The following BNC2 variants were observed in gnomAD, a reference collection of about 807,000 sequenced individuals.
BNC2 encodes basonuclin zinc finger protein 2, also known as zinc finger protein basonuclin-2.
Under a neutral mutation model 76.3 loss-of-function variants are expected in BNC2, and 20 were observed. The observed-to-expected ratio is 0.26, with a 90% CI of 0.18 to 0.38. The LOEUF (loss-of-function observed/expected upper bound fraction) is 0.38, where lower values mean the gene tolerates loss of function less well. Ranked by LOEUF, BNC2 falls within the 10% of genes least tolerant of loss-of-function variation. The pLI is 1.00. For missense variants in BNC2, 1,382 were observed against 1,399.8 expected, an observed-to-expected ratio of 0.99 and a Z score of 0.20; for synonymous variants, 582 against 514.8, an observed-to-expected ratio of 1.13 and a Z score of -1.77.
chr9:16,583,498 T>G (rs1202008452), intron 3 of BNC2, among the ~76,000 whole-genome samples: 1 of 152,194 alleles, frequency 6.6e-6, no homozygotes, highest in Admixed American at 6.5e-5. Context: ...GTGAAATGTT[T>G]GTGAAAGTAA....
intron 3 of BNC2, among the ~76,000 whole-genome samples, chr9:16,723,564 C>A (rs147430428): frequency 2.3e-4 from 35 of 151,652 alleles, no homozygotes; most frequent in African/African-American, 7.7e-4. Context: ...GATTGTTGGC[C>A]TATATGAATA....
chr9:16,744,442 A>G (rs4961750), intron 1 of BNC2, among the ~76,000 whole-genome samples: 138,287 of 152,238 alleles, frequency 0.91, 62,835 homozygotes, highest in Non-Finnish European at 0.92. Context: ...TTCTTGTATT[A>G]CTTTTGCTAC....
chr9:16,636,273 G>A (rs1419246029), intron 3 of BNC2, among the ~76,000 whole-genome samples: 4 of 152,030 alleles, frequency 2.6e-5, no homozygotes, highest in Non-Finnish European at 5.9e-5. Context: ...CATAGTTCAT[G>A]GTTCTAGAAG....
chr9:16,790,415 T>C (rs1817472217), intron 1 of BNC2, among the ~76,000 whole-genome samples: 4 of 152,232 alleles, frequency 2.6e-5, no homozygotes, highest in Admixed American at 2.6e-4. Flanking sequence ...GAAAAGTATA[T>C]TTATTTAGTA....
chr9:16,758,120 C>T (rs979815832), intron 1 of BNC2, among the ~76,000 whole-genome samples: 3 of 152,156 alleles, frequency 2.0e-5, no homozygotes, highest in Non-Finnish European at 4.4e-5. Flanking sequence ...CTTCTATCCG[C>T]CACCAGCATT....
intron 5 of BNC2, among the ~76,000 whole-genome samples, chr9:16,464,320 G>A (rs980124121): frequency 3.9e-5 from 6 of 152,078 alleles, no homozygotes; most frequent in African/African-American, 1.4e-4. Context: ...CAAGAGTACA[G>A]TGTCTTTGCC....
At chr9:16,633,306 T>C (rs1821220909) in intron 3 of BNC2, among the ~76,000 whole-genome samples, 1 of 152,150 alleles carries the variant, frequency 6.6e-6, no homozygotes. Flanking sequence ...AGTGCACAAA[T>C]GAACAAGGCC....
intron 6 of BNC2, among the ~76,000 whole-genome samples, chr9:16,428,742 T>A (rs1333516893): frequency 6.6e-6 from 1 of 152,132 alleles, no homozygotes; most frequent in Admixed American, 6.5e-5. Context: ...TGGGTAACAT[T>A]TTTCCCCCTA....
At chr9:16,454,374 C>T (rs906989124) in intron 5 of BNC2, among the ~76,000 whole-genome samples, 10 of 152,120 alleles carry the variant, frequency 6.6e-5, no homozygotes, top group Non-Finnish European at 1.3e-4. Flanking sequence ...GTGATCATAG[C>T]TCACTTCAGC....
At chr9:16,518,652 G>T (rs1234527054) in intron 5 of BNC2, among the ~76,000 whole-genome samples, 1 of 152,026 alleles carries the variant, frequency 6.6e-6, no homozygotes, top group African/African-American at 2.4e-5. Flanking sequence ...TCTTGCTGGA[G>T]TGCAGTAGCA....
intron 4 of BNC2, among the ~76,000 whole-genome samples, chr9:16,559,333 C>A (rs772930055): frequency 6.6e-6 from 1 of 152,124 alleles, no homozygotes; most frequent in Non-Finnish European, 1.5e-5. Context: ...TTATGTGTGG[C>A]CCAAGCCAAT....
At chr9:16,660,034 T>C (rs1197280950) in intron 3 of BNC2, among the ~76,000 whole-genome samples, 1 of 152,234 alleles carries the variant, frequency 6.6e-6, no homozygotes, top group African/African-American at 2.4e-5. Flanking sequence ...TTTACAAATC[T>C]AACATCTCAC....
intron 5 of BNC2, among the ~76,000 whole-genome samples, chr9:16,482,945 T>C (rs1393627062): frequency 1.3e-5 from 2 of 152,186 alleles, no homozygotes; most frequent in African/African-American, 2.4e-5. Context: ...TATCCATCTT[T>C]CTGGACCATT....
chr9:16,504,659 T>C (rs556376687), intron 5 of BNC2, among the ~76,000 whole-genome samples: 32 of 152,266 alleles, frequency 2.1e-4, no homozygotes, highest in Admixed American at 3.9e-4. Flanking sequence ...ATACTAAAAA[T>C]GTGTTCTCAT....
intron 3 of BNC2, among the ~76,000 whole-genome samples, chr9:16,648,681 T>C (rs1030923169): frequency 1.3e-5 from 2 of 152,212 alleles, no homozygotes; most frequent in East Asian, 3.9e-4. Flanking sequence ...ATGGAAATTG[T>C]GTCACCTGCA....
At chr9:16,867,392 G>T (rs1336245528) in intron 1 of BNC2, 1 of 151,992 alleles carries the variant, frequency 6.6e-6, no homozygotes, top group Non-Finnish European at 1.5e-5. Context: ...GGGGATCGTA[G>T]GTTGTTTAGA....
intron 3 of BNC2, among the ~76,000 whole-genome samples, chr9:16,692,404 G>A (rs1465701413): frequency 1.3e-5 from 2 of 152,164 alleles, no homozygotes; most frequent in African/African-American, 4.8e-5. Flanking sequence ...ATCTTGTAAA[G>A]TTGCTCAGTT....
At chr9:16,461,371 C>G (rs1176730588) in intron 5 of BNC2, among the ~76,000 whole-genome samples, 1 of 152,118 alleles carries the variant, frequency 6.6e-6, no homozygotes. Context: ...AGAACAAGTA[C>G]AGAACTTCCT....
At chr9:16,545,494 C>T (rs934257088) in intron 5 of BNC2, among the ~76,000 whole-genome samples, 2 of 152,142 alleles carry the variant, frequency 1.3e-5, no homozygotes, top group African/African-American at 4.8e-5. Flanking sequence ...CTAATTTTTT[C>T]ACACATCTAG....
Sources: allele counts gnomAD v4.1 joint callset (sites outside exome capture counted in the v4.1 genomes callset), GRCh38; gene constraint gnomAD v4.1.1; transcripts MANE v1.5; gene names NCBI Gene and HGNC (gene_info 2026-07-23, HGNC 2026-07-21).